The following USH2A variants were observed in gnomAD, a reference collection of about 807,000 sequenced individuals.
USH2A encodes Usher syndrome 2A (autosomal recessive, mild).
Under a neutral mutation model 538.9 loss-of-function variants are expected in USH2A, and 443 were observed. That is an observed-to-expected ratio of 0.82 (90% CI 0.76 to 0.89). The LOEUF is 0.89. Among genes scored for constraint, USH2A ranks in the 40% least tolerant of loss-of-function variants. The pLI is 0.00. For synonymous variants in USH2A, 2,413 were observed against 2,273.5 expected (o/e 1.06, Z -1.75); for missense variants, 6,633 against 6,324.8 (o/e 1.05, Z -1.65).
At chr1:215,985,599 A>G (rs1003436240) in intron 35 of USH2A, among the ~76,000 whole-genome samples, 2 of 152,186 alleles carry the variant, frequency 1.3e-5, no homozygotes, top group Admixed American at 6.5e-5. Context: ...AATTCTTATA[A>G]ATTATAGCTA....
rs1397825727 is a variant in USH2A at position 216,421,998 on chromosome 1, C to T, written c.339G>A (p.Lys113=). Residue 113 remains lysine (K), a synonymous_variant, in exon 2 of 72, where the codon AAG becomes AAA. Transcript: ENST00000307340. ...AGLSSCITPD[K]NDLHPNAHSN... is the part of the protein sequence containing the mutation. ...TATGGGCGTTAGGATGCAGATCATT[C>T]TTGTCTGGTGTGATGCAGCTACTGA... 1 of 1,613,814 alleles carries T rather than the reference C, an allele frequency of 6.2e-7. No individual in the cohort carries two copies. The highest frequency in any genetic ancestry group is 8.5e-7 in the Non-Finnish European group (1 of 1,179,938).
chr1:215,876,976 A>G (rs1156299289), intron 43 of USH2A, among the ~76,000 whole-genome samples: 5 of 152,156 alleles, frequency 3.3e-5, no homozygotes, highest in Non-Finnish European at 7.4e-5. Context: ...CCACATAGAA[A>G]AGTTACTGAA....
chr1:216,103,035 C>T (rs1167195827), intron 21 of USH2A, among the ~76,000 whole-genome samples: 1 of 152,172 alleles, frequency 6.6e-6, no homozygotes, highest in Non-Finnish European at 1.5e-5. Flanking sequence ...ACATGAATCT[C>T]ACAAACATGG....
Position 215,674,254 on chromosome 1 carries a change from C to T in USH2A, c.13657G>A (p.Asp4553Asn). The T allele has an allele frequency of 6.2e-7, 1 of 1,614,086 alleles. No individual in the cohort carries two copies. Among genetic ancestry groups the T allele is most frequent in the South Asian group, 1.1e-5 (1 of 91,070 alleles). Residue 4553 changes from aspartate to asparagine, a missense_variant, in exon 63 of 72, where the codon GAC (aspartate) becomes AAC (asparagine). Transcript: ENST00000307340. ...RGPQEILVNW[D>N]PPVRTNGDII... ...TCACCATTTGTTCTCACTGGAGGGT[C>T]CCAGTTCACTAAGATCTCCTGAGGA...
chr1:216,138,631 C>T (rs1258603648), intron 21 of USH2A, among the ~76,000 whole-genome samples: 1 of 152,246 alleles, frequency 6.6e-6, no homozygotes, highest in East Asian at 1.9e-4. Flanking sequence ...TCAACCTGAT[C>T]ACTTGATGGA....
In USH2A at chr1:215,674,933, A is replaced by G; in HGVS notation, c.12978T>C (p.Phe4326=). The G allele has an allele frequency of 1.2e-6, 2 of 1,614,186 alleles. No homozygotes were observed. Among genetic ancestry groups the G allele is most frequent in the African/African-American group, 2.7e-5 (2 of 75,054 alleles). Reference sequence around the variant, plus strand: ...CTTGGAGTGCATAGCTATAGGTGGAAAAAGGAAGAAGCTCTTCATCAGTGT... The same window carrying G: ...CTTGGAGTGCATAGCTATAGGTGGAGAAAGGAAGAAGCTCTTCATCAGTGT... The part of the protein sequence containing the change: ...FNYTDEELLP[F]STYSYALQAC... Residue 4326 remains phenylalanine, a synonymous_variant, in exon 63 of 72, where the codon TTT becomes TTC. Coordinates refer to ENST00000307340, the MANE Select transcript of USH2A (RefSeq NM_206933.4).
chr1:216,396,653 T>A (rs898591782), intron 3 of USH2A, among the ~76,000 whole-genome samples: 1 of 152,134 alleles, frequency 6.6e-6, no homozygotes, highest in Non-Finnish European at 1.5e-5. Context: ...GAATTTCCAG[T>A]CATAAGATCT....
At chr1:216,062,447 TA>T (rs2031216927) in intron 30 of USH2A, among the ~76,000 whole-genome samples, 1 of 152,060 alleles carries the variant, frequency 6.6e-6, no homozygotes, top group South Asian at 2.1e-4. Context: ...AAAATGGAAA[TA>T]AAAACAATTA....
At chr1:215,983,009 G>C (rs983101620) in intron 35 of USH2A, among the ~76,000 whole-genome samples, 1 of 152,140 alleles carries the variant, frequency 6.6e-6, no homozygotes, top group Admixed American at 6.5e-5. Context: ...GGAGTGCAAT[G>C]GCACACTCTC....
At chr1:216,197,817 A>T (rs181785304) in intron 18 of USH2A, among the ~76,000 whole-genome samples, 2 of 152,292 alleles carry the variant, frequency 1.3e-5, no homozygotes, top group East Asian at 3.9e-4. Context: ...ACTGCTTACA[A>T]GCACACTTGT....
At chr1:216,187,388 T>C (rs1018124663) in intron 20 of USH2A, among the ~76,000 whole-genome samples, 1 of 151,916 alleles carries the variant, frequency 6.6e-6, no homozygotes, top group Non-Finnish European at 1.5e-5. Context: ...TAAAATGTAG[T>C]AATAATACAT....
chr1:216,346,588 C>T (rs1003598311), intron 4 of USH2A, among the ~76,000 whole-genome samples: 24 of 151,966 alleles, frequency 1.6e-4, no homozygotes, highest in African/African-American at 5.6e-4. Flanking sequence ...TGCTCTTGGT[C>T]ACTTAGAAGT....
At chr1:215,787,739 G>T (rs1312704445) in intron 51 of USH2A, among the ~76,000 whole-genome samples, 1 of 152,016 alleles carries the variant, frequency 6.6e-6, no homozygotes, top group African/African-American at 2.4e-5. Context: ...GATCAAAATA[G>T]TACATTCAAA....
intron 61 of USH2A, among the ~76,000 whole-genome samples, chr1:215,683,271 C>T (rs1658303719): frequency 6.7e-6 from 1 of 150,258 alleles, no homozygotes; most frequent in Non-Finnish European, 1.5e-5. Flanking sequence ...ACACACAAAC[C>T]ACATATAGAC....
intron 66 of USH2A, 127 bp from the exon 67 acceptor site, chr1:215,647,857 T>C: frequency 8.9e-7 from 1 of 1,122,846 alleles, no homozygotes; most frequent in South Asian, 1.3e-5. Context: ...CTTTAAAATT[T>C]CCATTTGCAG....
At chr1:216,184,945 C>T (rs2034568932) in intron 20 of USH2A, among the ~76,000 whole-genome samples, 1 of 151,944 alleles carries the variant, frequency 6.6e-6, no homozygotes, top group Non-Finnish European at 1.5e-5. Flanking sequence ...CAATTTATGA[C>T]AGGCAAGGGA....
chr1:216,017,804 G>C (rs1160649855), intron 32 of USH2A, among the ~76,000 whole-genome samples: 1 of 152,164 alleles, frequency 6.6e-6, no homozygotes, highest in Non-Finnish European at 1.5e-5. Flanking sequence ...AGTATCACCT[G>C]AGAATGGTTC....
intron 41 of USH2A, among the ~76,000 whole-genome samples, 176 bp from the exon 42 acceptor site, chr1:215,879,274 T>C (rs139870536): frequency 1.3e-5 from 2 of 152,316 alleles, no homozygotes; most frequent in East Asian, 3.9e-4. Context: ...TTAGCAGTAC[T>C]CCAGGAGCTA....
At chr1:215,924,391 G>A (rs528090870) in intron 38 of USH2A, among the ~76,000 whole-genome samples, 1 of 152,132 alleles carries the variant, frequency 6.6e-6, no homozygotes, top group African/African-American at 2.4e-5. Flanking sequence ...AAGTATCTAA[G>A]ACATATTAAG....
Sources: allele counts gnomAD v4.1 joint callset (sites outside exome capture counted in the v4.1 genomes callset), GRCh38; gene constraint gnomAD v4.1.1; transcripts MANE v1.5; gene names NCBI Gene and HGNC (gene_info 2026-07-23, HGNC 2026-07-21).